TASP1: variants seen among roughly 807,000 people sequenced by gnomAD.
The protein encoded by TASP1 is taspase 1.
TASP1 carries 16 observed loss-of-function variants against 56.6 expected under a neutral mutation model. That is an observed-to-expected ratio of 0.28 (90% CI 0.19 to 0.43). The LOEUF (loss-of-function observed/expected upper bound fraction) is 0.43. TASP1 is among the 20% of genes least tolerant of loss of function. The pLI, the probability that TASP1 is intolerant of heterozygous loss-of-function variation, is 1.00. For missense variants in TASP1, 393 were observed against 511.6 expected, an observed-to-expected ratio of 0.77 and a Z score of 2.24; for synonymous variants, 179 against 184.2, an observed-to-expected ratio of 0.97 and a Z score of 0.23.
At chr20:13,598,015 G>A (rs1361469278) in intron 4 of TASP1, among the ~76,000 whole-genome samples, 7 of 152,114 alleles carry the variant, frequency 4.6e-5, no homozygotes, top group Non-Finnish European at 8.8e-5. Flanking sequence ...ACAAACCACT[G>A]CTCAACAAAA....
At chr20:13,435,778 C>T (rs371683920) in intron 11 of TASP1, among the ~76,000 whole-genome samples, 2 of 152,110 alleles carry the variant, frequency 1.3e-5, no homozygotes, top group East Asian at 3.9e-4. Context: ...TGCCCAAGGA[C>T]ATCTTCTTCA....
intron 10 of TASP1, among the ~76,000 whole-genome samples, chr20:13,516,943 G>A (rs1401436063): frequency 6.6e-6 from 1 of 151,988 alleles, no homozygotes; most frequent in East Asian, 1.9e-4. Context: ...GATGGGTAGT[G>A]TTAAGATTAA....
chr20:13,610,030 C>A (rs2048298177), intron 4 of TASP1, among the ~76,000 whole-genome samples: 1 of 152,166 alleles, frequency 6.6e-6, no homozygotes, highest in African/African-American at 2.4e-5. Context: ...ACATAAATGG[C>A]ATGATTCTAT....
chr20:13,308,776 T>A, the TASP1 span, among the ~76,000 whole-genome samples: 2 of 152,206 alleles, frequency 1.3e-5, no homozygotes, highest in African/African-American at 4.8e-5. Context: ...ACCCCCAAAG[T>A]TATGATATTC....
chr20:13,183,298 G>A, the TASP1 span, among the ~76,000 whole-genome samples: 4 of 152,134 alleles, frequency 2.6e-5, no homozygotes, highest in Non-Finnish European at 5.9e-5. Flanking sequence ...ATCCATCCTA[G>A]ACCATCCATC....
At chr20:13,591,677 T>TA (rs2047537311) in intron 4 of TASP1, among the ~76,000 whole-genome samples, 1 of 152,162 alleles carries the variant, frequency 6.6e-6, no homozygotes, top group Non-Finnish European at 1.5e-5. Flanking sequence ...AGTGGGAAGA[T>TA]ATAAAGAACT....
At chr20:13,340,586 C>CAT in the TASP1 span, among the ~76,000 whole-genome samples, 1 of 151,716 alleles carries the variant, frequency 6.6e-6, no homozygotes, top group Non-Finnish European at 1.5e-5. Flanking sequence ...GATATTTTGA[C>CAT]ACAAGCATAC....
intron 12 of TASP1, among the ~76,000 whole-genome samples, chr20:13,423,716 G>A (rs1000682685): frequency 1.3e-5 from 2 of 152,124 alleles, no homozygotes; most frequent in Non-Finnish European, 1.5e-5. Context: ...TGAGTGAAGG[G>A]CAACCTATTT....
At chr20:13,204,742 T>A in the TASP1 span, among the ~76,000 whole-genome samples, 2 of 152,116 alleles carry the variant, frequency 1.3e-5, no homozygotes, top group Non-Finnish European at 2.9e-5. Context: ...GGATTTGGTA[T>A]GAAGTAACTG....
At chr20:13,483,365 A>T (rs2043208935) in intron 10 of TASP1, 28 bp from the exon 11 acceptor site, 1 of 1,499,672 alleles carries the variant, frequency 6.7e-7, no homozygotes, top group Non-Finnish European at 9.0e-7. Context: ...CCAACAGTTG[A>T]GGAAAAGCAG....
intron 11 of TASP1, among the ~76,000 whole-genome samples, chr20:13,457,605 ATTTTAT>A (rs1246063151): frequency 1.3e-5 from 2 of 150,546 alleles, no homozygotes; most frequent in African/African-American, 4.9e-5. Flanking sequence ...TTTCTTTTTA[ATTTTAT>A]TTTATTTTTC....
At chr20:13,191,779 G>C in the TASP1 span, among the ~76,000 whole-genome samples, 142 of 152,256 alleles carry the variant, frequency 9.3e-4, 1 homozygote, top group African/African-American at 3.3e-3. Flanking sequence ...AAATGTTTGG[G>C]GTGATGGATA....
At chr20:13,334,586 A>G in the TASP1 span, among the ~76,000 whole-genome samples, 124 of 152,310 alleles carry the variant, frequency 8.1e-4, 3 homozygotes, top group Middle Eastern at 0.01. Flanking sequence ...GATTATTAGT[A>G]TTATATTTAA....
intron 11 of TASP1, among the ~76,000 whole-genome samples, chr20:13,449,736 G>A (rs185830206): frequency 3.7e-4 from 57 of 152,138 alleles, no homozygotes; most frequent in East Asian, 1.7e-3. Context: ...TGTTATACGT[G>A]AACTTACAAC....
chr20:13,318,167 G>A, the TASP1 span, among the ~76,000 whole-genome samples: 1 of 18,142 alleles, frequency 5.5e-5, no homozygotes, highest in African/African-American at 1.7e-4. Context: ...AAATAAAAAT[G>A]AGCCAAAGAC....
At chr20:13,144,528 A>C in the TASP1 span, among the ~76,000 whole-genome samples, 1 of 152,234 alleles carries the variant, frequency 6.6e-6, no homozygotes, top group Non-Finnish European at 1.5e-5. Flanking sequence ...AACCTAACGC[A>C]CAAATCTATT....
chr20:13,414,583 T>A (rs2042192411), intron 13 of TASP1, among the ~76,000 whole-genome samples: 1 of 152,180 alleles, frequency 6.6e-6, no homozygotes, highest in Non-Finnish European at 1.5e-5. Context: ...TATAGCTGAA[T>A]AAGTTCCATG....
the TASP1 span, chr20:13,110,017 T>A: frequency 1.0e-6 from 1 of 991,818 alleles, no homozygotes; most frequent in Non-Finnish European, 1.5e-6. Context: ...AAAGTTTAGG[T>A]CTGAGTGTGA....
At chr20:13,279,641 T>C in the TASP1 span, 3 of 1,613,424 alleles carry the variant, frequency 1.9e-6, no homozygotes, top group Non-Finnish European at 2.5e-6. Context: ...CAGGTCACCA[T>C]AGAGGTGGTC....
Sources: gnomAD v4.1 joint callset for allele counts (sites outside exome capture counted in the v4.1 genomes callset) on GRCh38, gnomAD v4.1.1 for gene constraint, MANE v1.5 for transcripts, NCBI Gene and HGNC (gene_info 2026-07-23, HGNC 2026-07-21) for gene names.